Variants in KCTD16 observed in about 807,000 individuals in gnomAD.
KCTD16 encodes potassium channel tetramerization domain containing 16.
In KCTD16, 13 loss-of-function variants were observed where a neutral mutation model predicts 33.2. The observed-to-expected ratio is 0.39, with a 90% CI of 0.25 to 0.62. The LOEUF is 0.62. Among genes scored for constraint, KCTD16 ranks in the 20% least tolerant of loss-of-function variants. The pLI, the probability that KCTD16 is intolerant of heterozygous loss-of-function variation, is 0.50. For synonymous variants in KCTD16, 197 were observed against 195.3 expected, an observed-to-expected ratio of 1.01 and a Z score of -0.07; for missense variants, 441 against 525.1, an observed-to-expected ratio of 0.84 and a Z score of 1.57.
At chr5:144,440,728 T>A (rs1281504016) in intron 3 of KCTD16, among the ~76,000 whole-genome samples, 1 of 152,050 alleles carries the variant, frequency 6.6e-6, no homozygotes, top group African/African-American at 2.4e-5. Context: ...TGAATAATGT[T>A]GAGTTTTTTT....
At chr5:144,291,053 G>A (rs560257857) in intron 3 of KCTD16, among the ~76,000 whole-genome samples, 1 of 152,270 alleles carries the variant, frequency 6.6e-6, no homozygotes, top group African/African-American at 2.4e-5. Context: ...GGTGGTGAAC[G>A]AAGACTTTGT....
intron 3 of KCTD16, among the ~76,000 whole-genome samples, chr5:144,307,271 C>T (rs1006486296): frequency 2.0e-5 from 3 of 152,188 alleles, no homozygotes; most frequent in Admixed American, 6.5e-5. Flanking sequence ...GTAATTCCTT[C>T]TCCTTGAGTT....
At chr5:144,412,922 T>C (rs1055183776) in intron 3 of KCTD16, among the ~76,000 whole-genome samples, 2 of 152,190 alleles carry the variant, frequency 1.3e-5, no homozygotes, top group African/African-American at 4.8e-5. Flanking sequence ...TAATGTTTGA[T>C]CTATCAGTAG....
intron 3 of KCTD16, among the ~76,000 whole-genome samples, chr5:144,378,953 G>A (rs914187654): frequency 8.5e-5 from 13 of 152,144 alleles, no homozygotes; most frequent in African/African-American, 2.7e-4. Context: ...GGGATTTGGC[G>A]ATATTAATTG....
chr5:144,280,470 A>C (rs73312748), intron 3 of KCTD16, among the ~76,000 whole-genome samples: 2,834 of 152,214 alleles, frequency 0.019, 93 homozygotes, highest in African/African-American at 0.064. Context: ...AGTTATTCTT[A>C]GTTTTCTCCC....
At chr5:144,471,761 A>T (rs893827035) in intron 3 of KCTD16, among the ~76,000 whole-genome samples, 7 of 152,206 alleles carry the variant, frequency 4.6e-5, no homozygotes, top group Non-Finnish European at 7.3e-5. Flanking sequence ...ACATAACTAG[A>T]ACAATACAGC....
intron 1 of KCTD16, among the ~76,000 whole-genome samples, chr5:144,172,913 ATCAAAAAGGATATCCCTT>A (rs1752425701): frequency 6.6e-6 from 1 of 152,196 alleles, no homozygotes. Context: ...TTTCTTCTGA[ATCAAAAAGGATATCCCTT>A]TCAAATTTGA....
At chr5:144,192,090 G>A (rs545523081) in intron 2 of KCTD16, among the ~76,000 whole-genome samples, 1 of 152,176 alleles carries the variant, frequency 6.6e-6, no homozygotes, top group Non-Finnish European at 1.5e-5. Flanking sequence ...GACTTTGGGA[G>A]CTTAAGACTT....
chr5:144,442,092 A>G (rs1561609506), intron 3 of KCTD16, among the ~76,000 whole-genome samples: 1 of 152,112 alleles, frequency 6.6e-6, no homozygotes, highest in Non-Finnish European at 1.5e-5. Flanking sequence ...GATTTTCCTG[A>G]TAGATTGATC....
chr5:144,467,799 C>T (rs1479495654), intron 3 of KCTD16, among the ~76,000 whole-genome samples: 3 of 152,146 alleles, frequency 2.0e-5, no homozygotes, highest in South Asian at 2.1e-4. Context: ...TTGCATCCCT[C>T]GCAGGGAGTG....
chr5:144,272,273 C>CA (rs1429489338), intron 3 of KCTD16, among the ~76,000 whole-genome samples: 1 of 151,770 alleles, frequency 6.6e-6, no homozygotes, highest in African/African-American at 2.4e-5. Flanking sequence ...AAAAAAGATA[C>CA]AAAAAAATTA....
intron 3 of KCTD16, among the ~76,000 whole-genome samples, chr5:144,224,512 G>C (rs148990736): frequency 4.2e-4 from 63 of 150,162 alleles, no homozygotes; most frequent in Non-Finnish European, 8.0e-4. Flanking sequence ...GGGTGTGTTC[G>C]CAAATAATCC....
intron 2 of KCTD16, among the ~76,000 whole-genome samples, chr5:144,185,137 G>A (rs1314463323): frequency 6.6e-6 from 1 of 152,234 alleles, no homozygotes; most frequent in Non-Finnish European, 1.5e-5. Flanking sequence ...AGAGAGGTAA[G>A]TGACTTGTCC....
At chr5:144,438,468 GT>G (rs1753628938) in intron 3 of KCTD16, among the ~76,000 whole-genome samples, 1 of 152,164 alleles carries the variant, frequency 6.6e-6, no homozygotes, top group Admixed American at 6.6e-5. Context: ...TGCTGTGTGG[GT>G]ATCACTCCTA....
At chr5:144,280,385 G>A (rs534292689) in intron 3 of KCTD16, among the ~76,000 whole-genome samples, 2 of 152,120 alleles carry the variant, frequency 1.3e-5, no homozygotes, top group South Asian at 4.2e-4. Flanking sequence ...GTTATCTACT[G>A]TGTCTAGAGT....
rs868628948 is a variant in KCTD16, at chr5:144,424,847, C to T, written c.833-48813C>T. ...ATCCCTCATTGCCTATAGATCCCAC[C>T]TCTTAATATAGTCACAATGGCAATT... On this transcript the variant is annotated intron_variant, in intron 3 of 3. Transcript: ENST00000512467. Among the ~76,000 whole-genome samples the T allele has an allele frequency of 2.5e-4, 38 of 152,250 alleles. 1 individual carries two copies. The highest frequency in any genetic ancestry group is 6.8e-3 in the Middle Eastern group (2 of 294).
rs1158019484 is a variant in KCTD16 at position 144,484,562 on chromosome 5, A to G, written c.*10448A>G. 1 of 151,964 alleles carries G rather than the reference A, an allele frequency of 6.6e-6. No homozygotes were observed. Among genetic ancestry groups the G allele is most frequent in the Non-Finnish European group, 1.5e-5 (1 of 67,926 alleles). 9.4% of individuals were successfully genotyped at this position (151,964 alleles called of 1,614,324 possible). On this transcript the variant is annotated 3_prime_UTR_variant, in exon 4 of 4. Transcript: ENST00000512467. Reference sequence around the variant, plus strand: ...ACTTTTAAAGTTAAAGACCCTGTTGATCAGGTTACCTGGAAATTTCAAGTG... The same window carrying G: ...ACTTTTAAAGTTAAAGACCCTGTTGGTCAGGTTACCTGGAAATTTCAAGTG...
At chr5:144,412,672 G>A (rs1752958127) in intron 3 of KCTD16, among the ~76,000 whole-genome samples, 1 of 152,112 alleles carries the variant, frequency 6.6e-6, no homozygotes, top group Admixed American at 6.5e-5. Context: ...GATCACTTGA[G>A]GTCAGGAGTT....
intron 2 of KCTD16, among the ~76,000 whole-genome samples, chr5:144,175,948 TTCAC>T (rs1752497346): frequency 6.6e-6 from 1 of 152,216 alleles, no homozygotes; most frequent in South Asian, 2.1e-4. Flanking sequence ...ATTATAAACA[TTCAC>T]TCTATTGTTT....
Sources: gnomAD v4.1 joint callset for allele counts (sites outside exome capture counted in the v4.1 genomes callset) on GRCh38, gnomAD v4.1.1 for gene constraint, MANE v1.5 for transcripts, NCBI Gene and HGNC (gene_info 2026-07-23, HGNC 2026-07-21) for gene names.